TRIM49C: variants seen among roughly 807,000 people sequenced by gnomAD.
TRIM49C encodes the protein tripartite motif-containing protein 49C.
Under a neutral mutation model 21.4 loss-of-function variants are expected in TRIM49C, and 6 were observed. The observed-to-expected ratio is 0.28, with a 90% CI of 0.15 to 0.55. TRIM49C has a LOEUF of 0.55. Ranked by LOEUF, TRIM49C falls within the 20% of genes least tolerant of loss-of-function variation. The pLI is 0.94. For synonymous variants in TRIM49C, 57 were observed against 148.1 expected, an observed-to-expected ratio of 0.38 and a Z score of 4.47; for missense variants, 161 against 442.4, an observed-to-expected ratio of 0.36 and a Z score of 5.71.
the TRIM49C span, chr11:90,071,146 G>T: frequency 4.1e-6 from 2 of 493,196 alleles, no homozygotes; most frequent in African/African-American, 4.1e-5. Flanking sequence ...CTCTCTACAG[G>T]ATTTGGGAGA....
chr11:90,035,344 G>A lies in TRIM49C; in HGVS notation c.133G>A (p.Asp45Asn). ...CRPCFYLNWQ[D>N]IPFLVQCSEC... The stretch of plus-strand genomic sequence containing the variant: ...GCCTTGTTTCTACCTCAACTGGCAA[G>A]ACATCCCATTTCTTGTCCAGTGCTC... The change falls in exon 3 of 8, where the codon GAC becomes AAC. Residue 45 changes from aspartate to asparagine, a missense_variant. By Grantham distance (23) the Asp-to-Asn change is conservative. Around this residue, in one of 3 missense-constraint regions of TRIM49C, gnomAD observed 80 missense variants for 314.8 expected, o/e 0.25. Coordinates refer to ENST00000448984, the MANE Select transcript of TRIM49C (RefSeq NM_001195234.1). 6.6e-7 allele frequency: 1 copy of A among 1,516,592 alleles called. No homozygotes were observed. The highest frequency in any genetic ancestry group is 8.9e-7 in the Non-Finnish European group (1 of 1,121,212). 93.9% of individuals were successfully genotyped at this position (1,516,592 alleles called of 1,614,324 possible).
chr11:90,052,131 A>T, the TRIM49C span: 1 of 469,462 alleles, frequency 2.1e-6, no homozygotes, highest in Non-Finnish European at 3.6e-6. Flanking sequence ...AGGGGTCGGC[A>T]GAGCCCCAGG....
chr11:90,071,967 T>C, the TRIM49C span, among the ~76,000 whole-genome samples: 1 of 141,448 alleles, frequency 7.1e-6, no homozygotes, highest in Non-Finnish European at 1.5e-5. Flanking sequence ...TAAAAGATGG[T>C]GGAATCAGCC....
chr11:90,039,204 C>T (rs1004054679), intron 6 of TRIM49C, among the ~76,000 whole-genome samples: 3 of 133,084 alleles, frequency 2.3e-5, no homozygotes, highest in African/African-American at 8.2e-5. Context: ...CAGGCGTGAA[C>T]CACCGTGCCC....
downstream of TRIM49C, among the ~76,000 whole-genome samples, chr11:90,045,401 T>C (rs367725436): frequency 7.6e-5 from 5 of 65,378 alleles, no homozygotes; most frequent in East Asian, 1.5e-3. Flanking sequence ...ATTCTTCCTA[T>C]CCCTGAGCAT....
chr11:90,046,131 C>G, downstream of TRIM49C, among the ~76,000 whole-genome samples: 1 of 122,078 alleles, frequency 8.2e-6, no homozygotes, highest in East Asian at 2.5e-4. Context: ...GGATGAAGCC[C>G]ACTTGCTCTT....
intron 2 of TRIM49C, among the ~76,000 whole-genome samples, chr11:90,033,822 T>C (rs1326014241): frequency 4.0e-5 from 5 of 125,376 alleles, no homozygotes; most frequent in African/African-American, 1.5e-4. Flanking sequence ...GTCACGTTCC[T>C]GTAATCCCAG....
At chr11:90,046,479 G>C (rs1412402196), downstream of TRIM49C, among the ~76,000 whole-genome samples, 1 of 124,676 alleles carries the variant, frequency 8.0e-6, no homozygotes, top group East Asian at 2.5e-4. Context: ...TCTATTCAGG[G>C]ATTCAACTTC....
the TRIM49C span, among the ~76,000 whole-genome samples, chr11:90,047,525 G>A: frequency 8.5e-6 from 1 of 117,340 alleles, no homozygotes; most frequent in Non-Finnish European, 1.7e-5. Flanking sequence ...TTATGTAATG[G>A]CCTTCTTTGT....
chr11:90,034,500 G>A lies in TRIM49C; in HGVS notation c.-4-708G>A, dbSNP rs865997520. 7.6e-3 allele frequency among the ~76,000 whole-genome samples: 921 copies of A among 121,170 alleles called. 27 individuals carry two copies. Among genetic ancestry groups the A allele is most frequent in the African/African-American group, 0.029 (854 of 29,472 alleles). The allele number at this position is 121,170 out of a possible 152,430, so 79.5% of individuals were successfully genotyped here. On this transcript the variant is annotated intron_variant, in intron 2 of 7. Transcript: ENST00000448984. Reference sequence around the variant, plus strand: ...GCCCTAGGGGAAGTTAATTTAATCCGCAAGAAAATAAAAAGACCCAATATC... The same window carrying A: ...GCCCTAGGGGAAGTTAATTTAATCCACAAGAAAATAAAAAGACCCAATATC...
the TRIM49C span, among the ~76,000 whole-genome samples, chr11:90,049,187 C>A: frequency 2.5e-5 from 3 of 122,242 alleles, 1 homozygote; most frequent in African/African-American, 6.5e-5. Context: ...CTGGGGGTGC[C>A]TCCTGGTTAG....
chr11:90,033,922 C>T lies in TRIM49C; in HGVS notation c.-4-1286C>T, dbSNP rs1419104346. ...GATCACGCCACTGCATTTCAGCCTG[C>T]GTGACAGAAGGATACTCTGTCTCAA... On this transcript the variant is annotated intron_variant, in intron 2 of 7. Coordinates refer to ENST00000448984, the MANE Select transcript of TRIM49C (RefSeq NM_001195234.1). Among the ~76,000 whole-genome samples the T allele has an allele frequency of 2.5e-5, 3 of 118,724 alleles. 1 individual carries two copies. The highest frequency in any genetic ancestry group is 5.1e-5 in the Non-Finnish European group (3 of 59,348). The allele number at this position is 118,724 out of a possible 152,430, so 77.9% of individuals were successfully genotyped here.
the TRIM49C span, chr11:90,053,677 G>A: frequency 6.7e-6 from 1 of 150,266 alleles, no homozygotes. Flanking sequence ...GGATGGCGGT[G>A]GCGGGATCAT....
the TRIM49C span, among the ~76,000 whole-genome samples, chr11:90,059,693 C>A: frequency 1.1e-5 from 1 of 94,774 alleles, no homozygotes; most frequent in African/African-American, 4.6e-5. Flanking sequence ...AGAGAATGTT[C>A]ACTGAGGCAA....
rs775362917 is a variant in TRIM49C at position 90,041,125 on chromosome 11, G to A, written c.934G>A (p.Gly312Arg). ...TGAAATTTTGAGAAGCATGTGTATT[G>A]GATGTGACCATCAAGATGTACCCTA... is the stretch of plus-strand genomic sequence containing the variant. ...LYEILRSMCI[G>R]CDHQDVPYFT... The change falls in exon 8 of 8, where the codon GGA becomes AGA. Residue 312 changes from glycine (G) to arginine (R), a missense_variant. Gly to Arg is a moderately radical substitution (Grantham distance 125). Around this residue, in one of 3 missense-constraint regions of TRIM49C, gnomAD observed 80 missense variants for 314.8 expected, o/e 0.25. Coordinates refer to ENST00000448984, the MANE Select transcript of TRIM49C (RefSeq NM_001195234.1). 6.3e-7 allele frequency: 1 copy of A among 1,593,994 alleles called. No homozygotes were observed. The highest frequency in any genetic ancestry group is 1.1e-5 in the South Asian group (1 of 89,228).
chr11:90,053,801 C>G, the TRIM49C span: 1 of 140,392 alleles, frequency 7.1e-6, no homozygotes, highest in African/African-American at 2.5e-5. Flanking sequence ...AAGGTCCCTG[C>G]TTCTCACTAC....
At chr11:90,045,881 T>C (rs1214790418), downstream of TRIM49C, among the ~76,000 whole-genome samples, 4 of 120,894 alleles carry the variant, frequency 3.3e-5, 2 homozygotes, top group East Asian at 1.0e-3. Context: ...CTTCCAGTTT[T>C]TGCCCACTCA....
the TRIM49C span, among the ~76,000 whole-genome samples, chr11:90,069,937 C>T: frequency 9.6e-5 from 12 of 124,804 alleles, 2 homozygotes; most frequent in Non-Finnish European, 1.0e-4. Flanking sequence ...CTATTGACCT[C>T]GACGGCATCC....
the TRIM49C span, chr11:90,050,116 T>G: frequency 4.9e-5 from 5 of 101,548 alleles, no homozygotes; most frequent in Non-Finnish European, 9.5e-5. Flanking sequence ...TCAAAATCCC[T>G]GTGTTAGAGC....
Sources: gnomAD v4.1 joint callset for allele counts (sites outside exome capture counted in the v4.1 genomes callset) on GRCh38, gnomAD v4.1.1 for gene constraint, gnomAD v4.1.1 regional missense constraint, MANE v1.5 for transcripts, NCBI Gene and HGNC (gene_info 2026-07-23, HGNC 2026-07-21) for gene names.